Variants in RPN1 observed in about 807,000 individuals in gnomAD.
RPN1 encodes the protein dolichyl-diphosphooligosaccharide--protein glycosyltransferase subunit 1.
RPN1 carries 12 observed loss-of-function variants against 55.5 expected under a neutral mutation model. The observed-to-expected ratio is 0.22, with a 90% CI of 0.14 to 0.35. RPN1 has a LOEUF of 0.35. Ranked by LOEUF, RPN1 falls within the 10% of genes least tolerant of loss-of-function variation. The pLI is 1.00. For synonymous variants in RPN1, 317 were observed against 305.9 expected, an observed-to-expected ratio of 1.04 and a Z score of -0.38; for missense variants, 679 against 761.3, an observed-to-expected ratio of 0.89 and a Z score of 1.27.
At chr3:128,622,546 C>CT (rs1372625196) in intron 8 of RPN1, 137 bp from the exon 9 acceptor site, 5 of 1,046,138 alleles carry the variant, frequency 4.8e-6, no homozygotes, top group Non-Finnish European at 6.9e-6. Context: ...AGTCAAACCC[C>CT]TACTGATACC....
At chr3:128,634,116 A>G (rs1018505460) in intron 3 of RPN1, among the ~76,000 whole-genome samples, 5 of 152,152 alleles carry the variant, frequency 3.3e-5, no homozygotes, top group Non-Finnish European at 5.9e-5. Flanking sequence ...ACTTGAGGTC[A>G]GGAGTTTGAG....
chr3:128,647,663 C>T (rs1045368530), intron 1 of RPN1, among the ~76,000 whole-genome samples: 12 of 150,604 alleles, frequency 8.0e-5, no homozygotes, highest in African/African-American at 2.7e-4. Flanking sequence ...TGTGCTCTAC[C>T]CTGGGGAACA....
intron 2 of RPN1, 43 bp downstream of exon 2, chr3:128,644,876 A>G (rs758369750): frequency 9.1e-7 from 1 of 1,095,144 alleles, no homozygotes; most frequent in Non-Finnish European, 1.4e-6. Context: ...CAACCCTGAC[A>G]TAACCTTTAA....
chr3:128,631,810 A>C (rs575945265), intron 4 of RPN1, 138 bp downstream of exon 4: 1 of 868,624 alleles, frequency 1.2e-6, no homozygotes, highest in East Asian at 2.5e-5. Flanking sequence ...GTTGGTTTCT[A>C]ACACTGCCAA....
At chr3:128,639,322 C>T (rs190654729) in intron 2 of RPN1, among the ~76,000 whole-genome samples, 84 of 151,088 alleles carry the variant, frequency 5.6e-4, no homozygotes, top group Admixed American at 5.2e-3. Flanking sequence ...GGCGTTGTGG[C>T]GGGCACCTGT....
Position 128,630,076 on chromosome 3 carries a change from T to C in RPN1, c.911A>G (p.His304Arg), listed in dbSNP as rs2069630501. Residue 304 changes from histidine to arginine, a missense_variant, in exon 5 of 10, where the codon CAC becomes CGC. Around this residue, in one of 3 missense-constraint regions of RPN1, gnomAD observed 21 missense variants for 48.6 expected, o/e 0.43. Coordinates refer to ENST00000296255, the MANE Select transcript of RPN1 (RefSeq NM_002950.4). ...RDEIGNVSTS[H>R]LLILDDSVEM... Reference sequence around the variant, plus strand: ...TACAGAGTCATCCAAAATAAGGAGGTGGCTGGTAGAAACATTGCCAATCTC... The same window carrying C: ...TACAGAGTCATCCAAAATAAGGAGGCGGCTGGTAGAAACATTGCCAATCTC... The C allele has an allele frequency of 2.5e-6, 4 of 1,612,814 alleles. No individual in the cohort carries two copies. Among genetic ancestry groups the C allele is most frequent in the Non-Finnish European group, 2.5e-6 (3 of 1,179,262 alleles).
intron 3 of RPN1, 102 bp from the exon 4 acceptor site, chr3:128,632,259 C>A: frequency 9.8e-7 from 1 of 1,024,518 alleles, no homozygotes. Context: ...AGCAACAGAA[C>A]GGGTAAATTA....
intron 2 of RPN1, among the ~76,000 whole-genome samples, chr3:128,639,444 T>C (rs920124435): frequency 1.0e-4 from 12 of 118,136 alleles, no homozygotes; most frequent in African/African-American, 2.0e-4. Flanking sequence ...CAGAGCGAGA[T>C]ACCGTCTCAA....
At chr3:128,642,453 G>T (rs1378656373) in intron 2 of RPN1, 2 of 152,160 alleles carry the variant, frequency 1.3e-5, no homozygotes, top group African/African-American at 4.8e-5. Flanking sequence ...TAGCACTCTG[G>T]GAGGCCAAGG....
chr3:128,632,994 A>G (rs1469021575), intron 3 of RPN1, among the ~76,000 whole-genome samples: 3 of 152,194 alleles, frequency 2.0e-5, no homozygotes, highest in Non-Finnish European at 4.4e-5. Context: ...TGAAAAGGAC[A>G]AGATCTATTT....
chr3:128,642,907 C>CT (rs2107721052), intron 2 of RPN1, among the ~76,000 whole-genome samples: 1 of 152,098 alleles, frequency 6.6e-6, no homozygotes, highest in South Asian at 2.1e-4. Flanking sequence ...ATCCCAACTA[C>CT]TTGGGAGGCT....
At chr3:128,624,597 A>G (rs1456170208) in intron 8 of RPN1, among the ~76,000 whole-genome samples, 1 of 151,976 alleles carries the variant, frequency 6.6e-6, no homozygotes, top group Admixed American at 6.6e-5. Flanking sequence ...CTGCTGTCTC[A>G]CAAACATCAG....
intron 2 of RPN1, among the ~76,000 whole-genome samples, chr3:128,641,843 T>TGCCTCGG (rs1383640746): frequency 6.6e-6 from 1 of 152,038 alleles, no homozygotes; most frequent in Non-Finnish European, 1.5e-5. Flanking sequence ...ACTCCCAACC[T>TGCCTCGG]CAGGTGATCT....
At chr3:128,628,597 G>A (rs1402752654) in intron 5 of RPN1, among the ~76,000 whole-genome samples, 1 of 151,996 alleles carries the variant, frequency 6.6e-6, no homozygotes, top group Non-Finnish European at 1.5e-5. Context: ...AAATTTTTTT[G>A]TAGAGACCCG....
chr3:128,630,133 G>C lies in RPN1; in HGVS notation c.854C>G (p.Pro285Arg), dbSNP rs764366574. The C allele has an allele frequency of 6.2e-7, 1 of 1,612,510 alleles. No homozygotes were observed. The highest frequency in any genetic ancestry group is 8.5e-7 in the Non-Finnish European group (1 of 1,178,946). ...SSIRSFKTILPAAAQDVYYRD... is the reference protein window; with the variant it reads ...SSIRSFKTILRAAAQDVYYRD... The stretch of plus-strand genomic sequence containing the variant: ...GTAATAAACATCCTGGGCAGCAGCA[G>C]GAAGGATGGTCTGCAAGAGAGTGGA... Residue 285 changes from proline to arginine, a missense_variant, in exon 5 of 10, where the codon CCT becomes CGT. Pro to Arg is a moderately radical substitution (Grantham distance 103). This residue lies in a region of RPN1 where 21 missense variants were observed against 48.6 expected (regional missense o/e 0.43). Coordinates refer to ENST00000296255, the MANE Select transcript of RPN1 (RefSeq NM_002950.4).
At position 128,637,973 on chromosome 3, in the gene RPN1, A is replaced by C; in HGVS notation, c.459T>G (p.Phe153Leu). ...AATAATGGTTCCCCTCAAACACCAC[A>C]AACTGTTTCTCTGACTGGGTGATCT... ...PTQITQSEKQ[F>L]VVFEGNHYFY... Residue 153 changes from phenylalanine (F) to leucine (L), a missense_variant, in exon 3 of 10, where the codon TTT becomes TTG. Phe to Leu is a conservative substitution (Grantham distance 22). This residue lies in a region of RPN1 where 352 missense variants were observed against 352.8 expected (regional missense o/e 1.00). Transcript: ENST00000296255. 1 of 1,614,206 alleles carries C rather than the reference A, an allele frequency of 6.2e-7. No individual in the cohort carries two copies. Among genetic ancestry groups the C allele is most frequent in the Non-Finnish European group, 8.5e-7 (1 of 1,180,030 alleles).
At chr3:128,624,084 T>C (rs938806634) in intron 8 of RPN1, among the ~76,000 whole-genome samples, 1 of 152,042 alleles carries the variant, frequency 6.6e-6, no homozygotes, top group Admixed American at 6.5e-5. Context: ...TCAAGTCCTG[T>C]AGTCAGCCCT....
intron 1 of RPN1, among the ~76,000 whole-genome samples, chr3:128,647,881 A>G (rs1219336248): frequency 1.3e-5 from 2 of 152,116 alleles, no homozygotes; most frequent in Non-Finnish European, 2.9e-5. Context: ...CTTGGTGGTA[A>G]AAAGAGAAGC....
At chr3:128,641,688 G>A (rs1476134235) in intron 2 of RPN1, among the ~76,000 whole-genome samples, 1 of 149,266 alleles carries the variant, frequency 6.7e-6, no homozygotes, top group Non-Finnish European at 1.5e-5. Context: ...CGGCTCACCG[G>A]AACCTCTGCC....
Sources: allele counts gnomAD v4.1 joint callset (sites outside exome capture counted in the v4.1 genomes callset), GRCh38; gene constraint gnomAD v4.1.1; regional missense constraint gnomAD v4.1.1; transcripts MANE v1.5; gene names NCBI Gene and HGNC (gene_info 2026-07-23, HGNC 2026-07-21).